The following CCDC69 variants were observed in gnomAD, a reference collection of about 807,000 sequenced individuals.
CCDC69 encodes coiled-coil domain-containing protein 69.
In CCDC69, 38 loss-of-function variants were observed where a neutral mutation model predicts 40.3. That is an observed-to-expected ratio of 0.94 (90% confidence interval 0.73 to 1.24). The LOEUF is 1.24. CCDC69 is among the 50% of genes most tolerant of loss of function. CCDC69 has a pLI of 0.00. For synonymous variants in CCDC69, 141 were observed against 138.9 expected (o/e 1.02, Z -0.11); for missense variants, 389 against 357.9 (o/e 1.09, Z -0.70).
intron 1 of CCDC69, among the ~76,000 whole-genome samples, chr5:151,220,767 C>T (rs989832397): frequency 3.3e-5 from 5 of 149,994 alleles, no homozygotes; most frequent in Non-Finnish European, 5.9e-5. Context: ...GGGTTGGCCA[C>T]GAGATGCCTC....
At chr5:151,192,858 C>T (rs1237342072) in intron 4 of CCDC69, among the ~76,000 whole-genome samples, 1 of 152,062 alleles carries the variant, frequency 6.6e-6, no homozygotes, top group East Asian at 1.9e-4. Context: ...TGCAGTCAGC[C>T]TTCTGTATTT....
chr5:151,202,190 T>TA (rs5872193), intron 2 of CCDC69, among the ~76,000 whole-genome samples: 99 of 111,526 alleles, frequency 8.9e-4, no homozygotes, highest in South Asian at 5.9e-3. Context: ...ACCCTATCTC[T>TA]AAAAAAAAAA....
In CCDC69 at chr5:151,201,562, G is replaced by T. The variant is rs200704375; in HGVS notation, c.231+20C>A. The T allele has an allele frequency of 6.5e-6, 10 of 1,528,150 alleles. No individual in the cohort carries two copies. Among genetic ancestry groups the T allele is most frequent in the African/African-American group, 2.7e-5 (2 of 73,144 alleles). 94.7% of individuals were successfully genotyped at this position (1,528,150 alleles called of 1,614,324 possible). A position where few individuals can be genotyped will look rare whatever the true frequency, so the allele number is the denominator to read the frequency against. On this transcript the variant is annotated intron_variant, in intron 3 of 8. Coordinates refer to ENST00000355417, the MANE Select transcript of CCDC69 (RefSeq NM_015621.3). ...TAGCTGAGCAGGAGAAAGACAGGGG[G>T]TGGGGGCACCTGGACTTACCTGTTG...
chr5:151,224,054 G>T lies in CCDC69; in HGVS notation c.-84C>A. The T allele has an allele frequency of 8.0e-7, 1 of 1,246,188 alleles. No individual in the cohort carries two copies. Among genetic ancestry groups the T allele is most frequent in the Non-Finnish European group, 1.1e-6 (1 of 919,304 alleles). 77.2% of individuals were successfully genotyped at this position (1,246,188 alleles called of 1,614,324 possible). On this transcript the variant is annotated 5_prime_UTR_variant, in exon 1 of 9. Transcript: ENST00000355417. Reference sequence around the variant, plus strand: ...CGATCCGGGCCCCGCTGCCCGCTCCGCGCCCGCCGGCTGGGGCTGCCGGCG... The same window carrying T: ...CGATCCGGGCCCCGCTGCCCGCTCCTCGCCCGCCGGCTGGGGCTGCCGGCG...
In CCDC69 at chr5:151,198,194, T is replaced by C. The variant is rs150427679; in HGVS notation, c.319+803A>G. Among the ~76,000 whole-genome samples, 687 of 152,264 alleles carry C rather than the reference T, an allele frequency of 4.5e-3. 5 individuals carry two copies. The highest frequency in any genetic ancestry group is 0.016 in the African/African-American group (645 of 41,546). On this transcript the variant is annotated intron_variant, in intron 4 of 8. Coordinates refer to ENST00000355417, the MANE Select transcript of CCDC69 (RefSeq NM_015621.3). The stretch of plus-strand genomic sequence containing the variant: ...AATTGTTTAATTCTTACAAACAACC[T>C]ATTAGGGAGGTAAAGTAACTTCTTC...
chr5:151,191,365 C>A (rs1018637516), intron 4 of CCDC69, among the ~76,000 whole-genome samples: 3 of 152,148 alleles, frequency 2.0e-5, no homozygotes, highest in African/African-American at 7.2e-5. Context: ...TAACATTAAC[C>A]AAACTTTATC....
chr5:151,199,033 T>G lies in CCDC69; in HGVS notation c.283A>C (p.Arg95=). The stretch of plus-strand genomic sequence containing the variant: ...TCTTCATTCTTTCCTTCCAGGACCC[T>G]TTGCTGCTCATCCAGTCTGTCTCGA... ...ELRDRLDEQQ[R]VLEGKNEEAL... The change falls in exon 4 of 9, where the codon AGG becomes CGG. Residue 95 remains arginine, a synonymous_variant. Transcript: ENST00000355417. The G allele has an allele frequency of 6.2e-7, 1 of 1,614,130 alleles. No individual in the cohort carries two copies. Among genetic ancestry groups the G allele is most frequent in the Non-Finnish European group, 8.5e-7 (1 of 1,179,986 alleles).
intron 4 of CCDC69, among the ~76,000 whole-genome samples, chr5:151,193,417 G>A (rs1752650230): frequency 6.6e-6 from 1 of 151,770 alleles, no homozygotes; most frequent in Admixed American, 6.6e-5. Flanking sequence ...TTGGGAGGCT[G>A]TAGTGGGAGG....
rs1766666015 is a variant in CCDC69, at chr5:151,183,018, G to A, written c.*419C>T. On this transcript the variant is annotated 3_prime_UTR_variant, in exon 9 of 9. Coordinates refer to ENST00000355417, the MANE Select transcript of CCDC69 (RefSeq NM_015621.3). The stretch of plus-strand genomic sequence containing the variant: ...AAACTGAGGCTCTGAGCAGGCCAGG[G>A]TGGAGTGGAAACACCTAGAGGAAGT... The A allele has an allele frequency of 2.2e-6, 1 of 460,626 alleles. No individual in the cohort carries two copies. The highest frequency in any genetic ancestry group is 2.3e-5 in the Admixed American group (1 of 42,646). The allele number at this position is 460,626 out of a possible 1,614,324, so 28.5% of individuals were successfully genotyped here. A position where few individuals can be genotyped will look rare whatever the true frequency, so the allele number is the denominator to read the frequency against.
intron 8 of CCDC69, 58 bp from the exon 9 acceptor site, chr5:151,183,672 A>G (rs1766678388): frequency 6.7e-7 from 1 of 1,488,632 alleles, no homozygotes; most frequent in Non-Finnish European, 9.1e-7. Context: ...ACAGAGACCA[A>G]CCCATTCCCC....
chr5:151,183,251 A>G lies in CCDC69; in HGVS notation c.*186T>C, dbSNP rs769440611. 6.2e-5 allele frequency: 47 copies of G among 752,424 alleles called. No individual in the cohort carries two copies. Among genetic ancestry groups the G allele is most frequent in the Non-Finnish European group, 2.8e-5 (12 of 424,340 alleles). 46.6% of individuals were successfully genotyped at this position (752,424 alleles called of 1,614,324 possible). Reference sequence around the variant, plus strand: ...GGAAGACGCTTCTCGGGGCCTCCAAAACCCTGTGGGTGATTCCATGTAACT... The same window carrying G: ...GGAAGACGCTTCTCGGGGCCTCCAAGACCCTGTGGGTGATTCCATGTAACT... On this transcript the variant is annotated 3_prime_UTR_variant, in exon 9 of 9. Transcript: ENST00000355417.
In CCDC69 at chr5:151,183,463, T is replaced by C; in HGVS notation, c.865A>G (p.Thr289Ala). 1 of 1,605,208 alleles carries C rather than the reference T, an allele frequency of 6.2e-7. No homozygotes were observed. Among genetic ancestry groups the C allele is most frequent in the Middle Eastern group, 1.7e-4 (1 of 6,052 alleles). Residue 289 changes from threonine to alanine, a missense_variant, in exon 9 of 9, where the codon ACT becomes GCT. Physicochemically the swap from Thr to Ala is moderately conservative, Grantham distance 58. Transcript: ENST00000355417. ...TATGTGGCGAGGAAAGAGACCTCAG[T>C]GGGAGTGACAGGGGCCAGAGGGAAG... is the stretch of plus-strand genomic sequence containing the variant. ...PAFPLAPVTPTEVSFLAT is the reference protein window; with the variant it reads ...PAFPLAPVTPAEVSFLAT
In CCDC69 at chr5:151,187,448, A is replaced by C; in HGVS notation, c.331T>G (p.Ser111Ala). 6.2e-7 allele frequency: 1 copy of C among 1,613,686 alleles called. No homozygotes were observed. The highest frequency in any genetic ancestry group is 2.2e-5 in the East Asian group (1 of 44,856). The change falls in exon 5 of 9, where the codon TCA (serine) becomes GCA (alanine). Residue 111 changes from serine (S) to alanine (A), a missense_variant. Physicochemically the swap from Ser to Ala is moderately conservative, Grantham distance 99 (BLOSUM62 1). Transcript: ENST00000355417. Reference protein sequence around the residue: ...NEEALQVLRASYEQEKEALTH... With the variant: ...NEEALQVLRAAYEQEKEALTH... ...AGCGCTTCTTTCTCCTGTTCATATG[A>C]GGCCCGGAGGACTGTAGGGAAAGGA...
chr5:151,220,865 AC>A (rs376738049), intron 1 of CCDC69, among the ~76,000 whole-genome samples: 79 of 151,796 alleles, frequency 5.2e-4, no homozygotes, highest in African/African-American at 1.9e-3. Flanking sequence ...GCCCCTCCTT[AC>A]CACTGTGGCT....
At chr5:151,183,718 G>T in intron 8 of CCDC69, 104 bp from the exon 9 acceptor site, 1 of 1,021,606 alleles carries the variant, frequency 9.8e-7, no homozygotes, top group Non-Finnish European at 1.4e-6. Context: ...GCAGCCTGCT[G>T]CAGGGTCCCC....
intron 4 of CCDC69, among the ~76,000 whole-genome samples, chr5:151,193,565 A>G (rs1357083522): frequency 2.0e-5 from 3 of 151,860 alleles, no homozygotes; most frequent in African/African-American, 7.3e-5. Flanking sequence ...AGAGGGAAAA[A>G]AGAGGAAGAA....
intron 1 of CCDC69, among the ~76,000 whole-genome samples, chr5:151,213,890 C>T (rs558779176): frequency 1.1e-4 from 17 of 152,350 alleles, no homozygotes; most frequent in African/African-American, 4.1e-4. Flanking sequence ...GGCCTGGCTT[C>T]CTCTGAGCAT....
At chr5:151,187,361 A>C (rs758085908) in intron 5 of CCDC69, 25 bp downstream of exon 5, 1 of 1,608,770 alleles carries the variant, frequency 6.2e-7, no homozygotes, top group South Asian at 1.1e-5. Context: ...CTTATCCAAG[A>C]CTGACACGAC....
In CCDC69 at chr5:151,198,291, G is replaced by T. The variant is rs116463476; in HGVS notation, c.319+706C>A. ...GACTGGAGCTCTAGAGAATGAGATT[G>T]ATCTATCTATCTATCTATCTATCTA... On this transcript the variant is annotated intron_variant, in intron 4 of 8. Coordinates refer to ENST00000355417, the MANE Select transcript of CCDC69 (RefSeq NM_015621.3). 2.2e-3 allele frequency among the ~76,000 whole-genome samples: 305 copies of T among 141,824 alleles called. 1 individual carries two copies. The highest frequency in any genetic ancestry group is 3.7e-3 in the East Asian group (18 of 4,856). 93.0% of individuals were successfully genotyped at this position (141,824 alleles called of 152,430 possible). A position where few individuals can be genotyped will look rare whatever the true frequency, so the allele number is the denominator to read the frequency against.
Sources: allele counts gnomAD v4.1 joint callset (sites outside exome capture counted in the v4.1 genomes callset), GRCh38; gene constraint gnomAD v4.1.1; transcripts MANE v1.5; gene names NCBI Gene and HGNC (gene_info 2026-07-23, HGNC 2026-07-21).